The following RNF220 variants were observed in gnomAD, a reference collection of about 807,000 sequenced individuals.
RNF220 encodes the protein ring finger protein 220, also known as E3 ubiquitin-protein ligase RNF220.
Under a neutral mutation model 67.1 loss-of-function variants are expected in RNF220, and 7 were observed. The observed-to-expected ratio is 0.10, with a 90% CI of 0.06 to 0.20. RNF220 has a LOEUF of 0.20. Ranked by LOEUF, RNF220 falls within the 10% of genes least tolerant of loss-of-function variation. RNF220 has a pLI of 1.00. For synonymous variants in RNF220, 270 were observed against 283.2 expected, an observed-to-expected ratio of 0.95 and a Z score of 0.47; for missense variants, 565 against 740.3, an observed-to-expected ratio of 0.76 and a Z score of 2.75.
intron 2 of RNF220, among the ~76,000 whole-genome samples, chr1:44,529,326 G>A (rs1207379230): frequency 1.3e-5 from 2 of 151,280 alleles, no homozygotes; most frequent in African/African-American, 4.9e-5. Flanking sequence ...GTAAAACTAT[G>A]CATGGGAAAA....
In RNF220 at chr1:44,528,584, G is replaced by A. The variant is rs188420889; in HGVS notation, c.626-85581G>A. ...CAAAGTGCTGGGATTACAGGCGTAA[G>A]CCACTGCGCCCGGCCCTGCAAATTG... is the stretch of plus-strand genomic sequence containing the variant. On this transcript the variant is annotated intron_variant, in intron 2 of 14. Coordinates refer to ENST00000361799, the MANE Select transcript of RNF220 (RefSeq NM_018150.4). 2.0e-3 allele frequency among the ~76,000 whole-genome samples: 296 copies of A among 150,268 alleles called. 1 individual carries two copies. The highest frequency in any genetic ancestry group is 7.0e-3 in the African/African-American group (284 of 40,850).
At chr1:44,596,451 A>T (rs1002636337) in intron 2 of RNF220, among the ~76,000 whole-genome samples, 13 of 150,624 alleles carry the variant, frequency 8.6e-5, no homozygotes, top group African/African-American at 2.7e-4. Flanking sequence ...AATCCCAGCT[A>T]CTCGGGAGGC....
chr1:44,446,560 CTTT>C (rs1286586874), intron 2 of RNF220, among the ~76,000 whole-genome samples: 1 of 137,310 alleles, frequency 7.3e-6, no homozygotes. Context: ...TTGGAGTAAC[CTTT>C]TTTTTTTTTT....
intron 2 of RNF220, among the ~76,000 whole-genome samples, chr1:44,597,242 TA>T (rs572718139): frequency 5.3e-4 from 80 of 152,132 alleles, no homozygotes; most frequent in Non-Finnish European, 8.2e-4. Context: ...CACAGGAAGG[TA>T]AAAGCTAGCA....
chr1:44,622,842 G>A lies in RNF220; in HGVS notation c.804+55G>A, dbSNP rs1213265154. On this transcript the variant is annotated intron_variant, in intron 4 of 14. Coordinates refer to ENST00000361799, the MANE Select transcript of RNF220 (RefSeq NM_018150.4). This position sits in a 1 kb window ranked among gnomAD's most constrained non-coding sequence, Gnocchi z 4.3. ...GCCCATACTAACCTAGGCCTACCCA[G>A]AACTGGTTCCTCCTGAGAAAAAGGA... 19 of 1,501,022 alleles carry A rather than the reference G, an allele frequency of 1.3e-5. No individual in the cohort carries two copies. The South Asian group carries it at 1.8e-4, about 14-fold the overall frequency. The allele number at this position is 1,501,022 out of a possible 1,614,324, so 93.0% of individuals were successfully genotyped here.
At chr1:44,433,768 A>T (rs1572487472) in intron 2 of RNF220, among the ~76,000 whole-genome samples, 2 of 152,116 alleles carry the variant, frequency 1.3e-5, no homozygotes, top group East Asian at 1.9e-4. Context: ...TTCAAGATCA[A>T]CCTGGCCAGC....
intron 2 of RNF220, among the ~76,000 whole-genome samples, chr1:44,590,591 T>C (rs1666044747): frequency 6.6e-6 from 1 of 152,208 alleles, no homozygotes; most frequent in African/African-American, 2.4e-5. Context: ...CTCCCCAGAA[T>C]GTTTGCCCCT....
At chr1:44,524,963 GAA>G (rs1357478954) in intron 2 of RNF220, among the ~76,000 whole-genome samples, 1 of 150,442 alleles carries the variant, frequency 6.6e-6, no homozygotes, top group Non-Finnish European at 1.5e-5. Context: ...TTCAGCTGGT[GAA>G]AAAAAGGAAA....
At chr1:44,410,085 T>G (rs1036863776) in intron 1 of RNF220, among the ~76,000 whole-genome samples, 2 of 152,050 alleles carry the variant, frequency 1.3e-5, no homozygotes, top group African/African-American at 4.8e-5. Context: ...ATTCCTAATT[T>G]ATGAAACTCA....
chr1:44,608,173 C>T (rs1208590080), intron 2 of RNF220, among the ~76,000 whole-genome samples: 1 of 150,740 alleles, frequency 6.6e-6, no homozygotes, highest in East Asian at 1.9e-4. Flanking sequence ...AGTCCTCCCA[C>T]CTCGGCCTCT....
intron 2 of RNF220, among the ~76,000 whole-genome samples, chr1:44,459,463 A>G (rs1366963222): frequency 6.9e-6 from 1 of 144,748 alleles, no homozygotes; most frequent in Non-Finnish European, 1.5e-5. Flanking sequence ...TAAACCCCCC[A>G]AAACTGGTAT....
Position 44,649,760 on chromosome 1 carries a change from C to T in RNF220, c.1545C>T (p.Leu515=), listed in dbSNP as rs376908769. The change falls in exon 13 of 15, where the codon CTC becomes CTT. Residue 515 remains leucine, a synonymous_variant. Transcript: ENST00000361799. The surrounding 1 kb of genome is among the most constrained non-coding windows in gnomAD (Gnocchi z 5.9). ...QLSRGDRYKC[L]ICMDSYSMPL... Reference sequence around the variant, plus strand: ...CTCGTGGGGACCGTTACAAATGCCTCATCTGCATGGTGAGTAGAAAAGAAC... The same window carrying T: ...CTCGTGGGGACCGTTACAAATGCCTTATCTGCATGGTGAGTAGAAAAGAAC... 1 of 1,614,008 alleles carries T rather than the reference C, an allele frequency of 6.2e-7. No homozygotes were observed. Among genetic ancestry groups the T allele is most frequent in the South Asian group, 1.1e-5 (1 of 91,092 alleles).
intron 2 of RNF220, among the ~76,000 whole-genome samples, chr1:44,539,364 G>T (rs1558024123): frequency 6.6e-6 from 1 of 152,066 alleles, no homozygotes; most frequent in South Asian, 2.1e-4. Context: ...GCCCCCAAAT[G>T]CCCGAGCTTT....
intron 2 of RNF220, among the ~76,000 whole-genome samples, chr1:44,508,531 G>A (rs996487231): frequency 4.6e-5 from 7 of 152,182 alleles, no homozygotes; most frequent in Non-Finnish European, 1.0e-4. Context: ...TCCGTAGAAG[G>A]GACTCTGCTG....
rs941310894 is a variant in RNF220 at position 44,488,733 on chromosome 1, T to C, written c.625+76011T>C. The stretch of plus-strand genomic sequence containing the variant: ...CTTTTTCTTTTTCTTTTTTCTTTTT[T>C]TTTTTTTTTTTTTTTGAGACGGAGT... On this transcript the variant is annotated intron_variant, in intron 2 of 14. Coordinates refer to ENST00000361799, the MANE Select transcript of RNF220 (RefSeq NM_018150.4). Among the ~76,000 whole-genome samples the C allele has an allele frequency of 7.6e-3, 1,084 of 141,900 alleles. 3 individuals carry two copies. Among genetic ancestry groups the C allele is most frequent in the Non-Finnish European group, 0.012 (790 of 64,866 alleles). 93.1% of individuals were successfully genotyped at this position (141,900 alleles called of 152,430 possible).
chr1:44,416,688 G>T (rs534117284), intron 2 of RNF220, among the ~76,000 whole-genome samples: 6 of 152,230 alleles, frequency 3.9e-5, no homozygotes, highest in African/African-American at 1.4e-4. Flanking sequence ...TTACCCCAGG[G>T]ATGGACCCTG....
At chr1:44,548,773 TG>T (rs1412730187) in intron 2 of RNF220, among the ~76,000 whole-genome samples, 1 of 152,124 alleles carries the variant, frequency 6.6e-6, no homozygotes, top group African/African-American at 2.4e-5. Flanking sequence ...ATTACAGGCG[TG>T]AGCCACTGCG....
intron 2 of RNF220, among the ~76,000 whole-genome samples, chr1:44,588,442 G>A (rs573413096): frequency 1.6e-4 from 25 of 152,334 alleles, no homozygotes; most frequent in African/African-American, 6.0e-4. Context: ...CAGCCTGGTG[G>A]ATGTGGAGTA....
At chr1:44,590,030 G>A (rs1666003543) in intron 2 of RNF220, among the ~76,000 whole-genome samples, 1 of 152,196 alleles carries the variant, frequency 6.6e-6, no homozygotes, top group Non-Finnish European at 1.5e-5. Context: ...CCAAGGCAAA[G>A]CCAGATATGG....
Sources: allele counts gnomAD v4.1 joint callset (sites outside exome capture counted in the v4.1 genomes callset), GRCh38; gene constraint gnomAD v4.1.1; non-coding constraint Gnocchi (gnomAD v3.1); transcripts MANE v1.5; gene names NCBI Gene and HGNC (gene_info 2026-07-23, HGNC 2026-07-21).